The following UGGT2 variants were observed in gnomAD, a reference collection of about 807,000 sequenced individuals.
UGGT2 encodes the protein UDP-glucose glycoprotein glucosyltransferase 2, also known as UDP-glucose:glycoprotein glucosyltransferase 2.
A neutral mutation model predicts 192.1 loss-of-function variants in UGGT2; 180 were observed. The observed-to-expected ratio is 0.94, with a 90% CI of 0.83 to 1.06. The LOEUF (loss-of-function observed/expected upper bound fraction) is 1.06. Among genes scored for constraint, UGGT2 ranks in the 50% least tolerant of loss-of-function variants. UGGT2 has a pLI of 0.00. For synonymous variants in UGGT2, 580 were observed against 591.0 expected (o/e 0.98, Z 0.27); for missense variants, 1,849 against 1,795.7 (o/e 1.03, Z -0.54).
intron 4 of UGGT2, among the ~76,000 whole-genome samples, chr13:96,020,937 T>C (rs192432433): frequency 1.6e-4 from 24 of 152,308 alleles, no homozygotes; most frequent in African/African-American, 5.8e-4. Flanking sequence ...ACTTTACTGC[T>C]CATGACATAG....
chr13:95,972,629 G>A lies in UGGT2; in HGVS notation c.1135C>T (p.Leu379=). 3 of 1,613,830 alleles carry A rather than the reference G, an allele frequency of 1.9e-6. No homozygotes were observed. The highest frequency in any genetic ancestry group is 1.1e-5 in the South Asian group (1 of 91,066). ...TCAACACGAAGGCCATTTATAAATAGACGAGCATCGCCTGGCTGAATTTTA... is the reference window on the plus strand; with the variant it reads ...TCAACACGAAGGCCATTTATAAATAAACGAGCATCGCCTGGCTGAATTTTA... ...RFKIQPGDAR[L]FINGLRVDMD... Residue 379 remains leucine, a synonymous_variant, in exon 11 of 39, where the codon CTA becomes TTA. Transcript: ENST00000376747.
intron 1 of UGGT2, among the ~76,000 whole-genome samples, chr13:96,046,001 G>A (rs1320406596): frequency 1.3e-5 from 2 of 151,794 alleles, no homozygotes; most frequent in African/African-American, 2.4e-5. Context: ...AATTCATATG[G>A]AACCAAAAAA....
At chr13:96,021,978 G>A (rs1272039120) in intron 4 of UGGT2, among the ~76,000 whole-genome samples, 1 of 151,996 alleles carries the variant, frequency 6.6e-6, no homozygotes, top group African/African-American at 2.4e-5. Context: ...TTCCAATGTT[G>A]ACTTAAAAGC....
At chr13:95,913,715 A>T (rs994199079) in intron 20 of UGGT2, among the ~76,000 whole-genome samples, 1 of 152,176 alleles carries the variant, frequency 6.6e-6, no homozygotes, top group African/African-American at 2.4e-5. Flanking sequence ...TTAATATTTG[A>T]CCCAGCAATC....
intron 2 of UGGT2, among the ~76,000 whole-genome samples, chr13:96,031,002 T>C (rs879810250): frequency 3.9e-5 from 6 of 152,144 alleles, no homozygotes; most frequent in African/African-American, 9.7e-5. Flanking sequence ...TCCAAACCCA[T>C]AGAACGTATA....
intron 38 of UGGT2, among the ~76,000 whole-genome samples, chr13:95,816,676 C>A (rs1455218140): frequency 6.6e-6 from 1 of 152,190 alleles, no homozygotes; most frequent in Non-Finnish European, 1.5e-5. Flanking sequence ...AGGAAAGGCA[C>A]AACTGTTACA....
At chr13:95,948,131 T>C (rs1321716272) in intron 13 of UGGT2, 50 bp from the exon 14 acceptor site, 1 of 1,467,360 alleles carries the variant, frequency 6.8e-7, no homozygotes, top group Admixed American at 2.0e-5. Context: ...AGAATCTTCA[T>C]GAAATTCAAG....
chr13:95,973,626 C>T (rs2050845292), intron 10 of UGGT2, among the ~76,000 whole-genome samples: 1 of 152,136 alleles, frequency 6.6e-6, no homozygotes, highest in Non-Finnish European at 1.5e-5. Flanking sequence ...TCTCCAGGCG[C>T]TAGAACAGTT....
At chr13:95,847,798 T>C (rs1192547347) in intron 36 of UGGT2, among the ~76,000 whole-genome samples, 4 of 152,264 alleles carry the variant, frequency 2.6e-5, no homozygotes, top group Non-Finnish European at 1.5e-5. Flanking sequence ...CCATAAGTTT[T>C]CAACTCCTTT....
intron 20 of UGGT2, among the ~76,000 whole-genome samples, chr13:95,914,612 T>TAAAAAAAAAA (rs146990164): frequency 8.6e-5 from 7 of 81,024 alleles, no homozygotes; most frequent in African/African-American, 2.0e-4. Context: ...CCATCTCTAC[T>TAAAAAAAAAA]AAAAAAAAAA....
At chr13:96,014,466 AT>A (rs1487038234) in intron 4 of UGGT2, among the ~76,000 whole-genome samples, 1 of 152,186 alleles carries the variant, frequency 6.6e-6, no homozygotes, top group African/African-American at 2.4e-5. Context: ...CAAGCATTCA[AT>A]CTTATTGACT....
At chr13:95,927,896 G>A (rs1371005135) in intron 17 of UGGT2, among the ~76,000 whole-genome samples, 2 of 152,146 alleles carry the variant, frequency 1.3e-5, no homozygotes, top group African/African-American at 2.4e-5. Context: ...TGCAGGGTCT[G>A]TTTAACAAAG....
intron 5 of UGGT2, among the ~76,000 whole-genome samples, chr13:96,006,085 T>C (rs1259025864): frequency 6.6e-6 from 1 of 152,138 alleles, no homozygotes; most frequent in Non-Finnish European, 1.5e-5. Flanking sequence ...GACAAATCAA[T>C]CAACAATTTC....
At chr13:96,044,348 T>C (rs955704816) in intron 1 of UGGT2, among the ~76,000 whole-genome samples, 1 of 152,208 alleles carries the variant, frequency 6.6e-6, no homozygotes, top group African/African-American at 2.4e-5. Flanking sequence ...ACCTCTGGGA[T>C]ACAGCAAAGG....
In UGGT2 at chr13:95,986,409, G is replaced by A; in HGVS notation, c.955C>T (p.Gln319Ter). ...TCATAAACTGGAGCGGACATTATTT[G>A]AGAAGCTGCTTGAAAACTAAGATCT... The part of the protein sequence containing the change: ...LQDLSFQAAS[Q>*]IMSAPVYDSI... The change falls in exon 9 of 39, where the codon CAA (glutamine) becomes TAA (stop). Residue 319 changes from glutamine (Q) to a stop codon, truncating the protein, a stop_gained. Coordinates refer to ENST00000376747, the MANE Select transcript of UGGT2 (RefSeq NM_020121.4). LOFTEE classifies it high-confidence loss of function. 6.2e-7 allele frequency: 1 copy of A among 1,601,994 alleles called. No homozygotes were observed. Among genetic ancestry groups the A allele is most frequent in the Non-Finnish European group, 8.5e-7 (1 of 1,171,422 alleles).
At chr13:96,024,198 A>G (rs1048330961) in intron 2 of UGGT2, among the ~76,000 whole-genome samples, 1 of 152,228 alleles carries the variant, frequency 6.6e-6, no homozygotes, top group African/African-American at 2.4e-5. Flanking sequence ...AAGTATAATT[A>G]GTGTATCCAG....
intron 12 of UGGT2, among the ~76,000 whole-genome samples, chr13:95,962,955 T>C (rs531172502): frequency 6.6e-6 from 1 of 152,242 alleles, no homozygotes; most frequent in South Asian, 2.1e-4. Context: ...GAGAGCTTGC[T>C]CAGGGAAACT....
At chr13:95,893,672 C>CA (rs1191381165) in intron 24 of UGGT2, among the ~76,000 whole-genome samples, 3 of 151,974 alleles carry the variant, frequency 2.0e-5, no homozygotes, top group South Asian at 2.1e-4. Flanking sequence ...CTTTGACAGA[C>CA]AAAAAATGGT....
At chr13:95,953,086 A>G (rs1231025905) in intron 12 of UGGT2, among the ~76,000 whole-genome samples, 2 of 152,172 alleles carry the variant, frequency 1.3e-5, no homozygotes, top group Admixed American at 1.3e-4. Flanking sequence ...GTCATTTTAA[A>G]TTGGCTTTTA....
Sources: allele counts gnomAD v4.1 joint callset (sites outside exome capture counted in the v4.1 genomes callset), GRCh38; gene constraint gnomAD v4.1.1; transcripts MANE v1.5; gene names NCBI Gene and HGNC (gene_info 2026-07-23, HGNC 2026-07-21).